WDFY3: variants seen among roughly 807,000 people sequenced by gnomAD.
The protein encoded by WDFY3 is WD repeat and FYVE domain-containing protein 3.
Under a neutral mutation model 409.6 loss-of-function variants are expected in WDFY3, and 66 were observed. The ratio of observed to expected loss-of-function variants is 0.16; its 90% CI spans 0.13 to 0.20. The LOEUF is 0.20. Ranked by LOEUF, WDFY3 falls within the 10% of genes least tolerant of loss-of-function variation. The pLI, the probability that WDFY3 is intolerant of heterozygous loss-of-function variation, is 1.00. For synonymous variants in WDFY3, 1,521 were observed against 1,537.1 expected (o/e 0.99, Z 0.25); for missense variants, 3,031 against 4,298.1 (o/e 0.71, Z 8.24).
chr4:84,723,593 G>C (rs1227417102), intron 46 of WDFY3, among the ~76,000 whole-genome samples: 1 of 152,112 alleles, frequency 6.6e-6, no homozygotes, highest in Non-Finnish European at 1.5e-5. Context: ...TCCTCATTCT[G>C]TGCTAGTCAT....
At position 84,738,912 on chromosome 4, in the gene WDFY3, C is replaced by T. The variant is rs1461691470; in HGVS notation, c.6574+98G>A. ...GTTGCCCTACTGGGAGAGTTGCTAT[C>T]AATGCTGGCAGTTTCTGAAGCCAAT... On this transcript the variant is annotated intron_variant, in intron 40 of 67. Transcript: ENST00000295888. 3 of 1,231,804 alleles carry T rather than the reference C, an allele frequency of 2.4e-6. No homozygotes were observed. The East Asian group carries it at 7.1e-5, about 29-fold the overall frequency. 76.3% of individuals were successfully genotyped at this position (1,231,804 alleles called of 1,614,324 possible).
In WDFY3 at chr4:84,737,190, G is replaced by A. The variant is rs1392942655; in HGVS notation, c.6751C>T (p.His2251Tyr). 18 of 1,613,958 alleles carry A rather than the reference G, an allele frequency of 1.1e-5. No homozygotes were observed. The highest frequency in any genetic ancestry group is 1.4e-5 in the Non-Finnish European group (17 of 1,180,000). Residue 2251 changes from histidine (H) to tyrosine (Y), a missense_variant, in exon 41 of 68, where the codon CAT becomes TAT. By Grantham distance (83) the His-to-Tyr change is moderately conservative. Transcript: ENST00000295888. The part of the protein sequence containing the change: ...EEAALKCWQN[H>Y]LAHEKKCISR... ...TGATCTCTGTAGGCCTTACCCAAAT[G>A]ATTCTGCCAGCACTTCAGGGCAGCT... is the stretch of plus-strand genomic sequence containing the variant.
intron 32 of WDFY3, among the ~76,000 whole-genome samples, chr4:84,765,188 C>T (rs1373430653): frequency 6.6e-6 from 1 of 152,064 alleles, no homozygotes; most frequent in African/African-American, 2.4e-5. Context: ...AGTAATATTA[C>T]TAATATGAAT....
intron 2 of WDFY3, among the ~76,000 whole-genome samples, chr4:84,903,211 T>C (rs1766573287): frequency 6.6e-6 from 1 of 152,174 alleles, no homozygotes; most frequent in Admixed American, 6.5e-5. Flanking sequence ...TCAAACACAT[T>C]ATCACATATT....
intron 6 of WDFY3, among the ~76,000 whole-genome samples, chr4:84,837,680 G>A (rs1756780889): frequency 6.6e-6 from 1 of 152,100 alleles, no homozygotes; most frequent in African/African-American, 2.4e-5. Context: ...AGAAACTCTA[G>A]ACCTTCTTAC....
At chr4:84,960,206 T>C (rs138934022) in intron 1 of WDFY3, among the ~76,000 whole-genome samples, 79 of 152,316 alleles carry the variant, frequency 5.2e-4, no homozygotes, top group East Asian at 2.5e-3. Flanking sequence ...TTCTCTCATC[T>C]CTGGATAACT....
At chr4:84,755,766 T>C (rs1741330653) in intron 33 of WDFY3, among the ~76,000 whole-genome samples, 1 of 152,118 alleles carries the variant, frequency 6.6e-6, no homozygotes, top group Admixed American at 6.5e-5. Flanking sequence ...TTAAGCTCAC[T>C]TCTTTCCCAT....
intron 38 of WDFY3, 42 bp from the exon 39 acceptor site, chr4:84,740,458 G>A: frequency 1.3e-6 from 2 of 1,587,170 alleles, no homozygotes; most frequent in South Asian, 1.1e-5. Flanking sequence ...ATAGACAAAA[G>A]TAAAACACCT....
chr4:84,900,654 G>T lies in WDFY3; in HGVS notation c.-131-3644C>A, dbSNP rs144310072. Reference sequence around the variant, plus strand: ...GAAAAAAACTATTTTGATGAAGACAGATTGGTGGTTGCCAGGGGTTAGAGG... The same window carrying T: ...GAAAAAAACTATTTTGATGAAGACATATTGGTGGTTGCCAGGGGTTAGAGG... On this transcript the variant is annotated intron_variant, in intron 2 of 67. Transcript: ENST00000295888. Among the ~76,000 whole-genome samples, 11 of 152,308 alleles carry T rather than the reference G, an allele frequency of 7.2e-5. No homozygotes were observed. The East Asian group carries it at 2.1e-3, about 29-fold the overall frequency.
intron 53 of WDFY3, among the ~76,000 whole-genome samples, chr4:84,706,414 T>A (rs1731946242): frequency 6.6e-6 from 1 of 152,096 alleles, no homozygotes; most frequent in African/African-American, 2.4e-5. Flanking sequence ...AAGTACCAGG[T>A]GTCATCCTAT....
In WDFY3 at chr4:84,691,497, T is replaced by G. The variant is rs143824737; in HGVS notation, c.9204+134A>C. ...CTCTCCTTTCCCCAAATAGGAAAGC[T>G]CACTTTTCTTTTGGGCTTTGGAGGA... On this transcript the variant is annotated intron_variant, in intron 60 of 67. Transcript: ENST00000295888. 1.9e-4 allele frequency: 172 copies of G among 927,730 alleles called. No homozygotes were observed. In the African/African-American group the frequency reaches 2.6e-3, roughly 14 times the overall value. 57.5% of individuals were successfully genotyped at this position (927,730 alleles called of 1,614,324 possible).
intron 56 of WDFY3, among the ~76,000 whole-genome samples, chr4:84,701,993 T>C (rs1265850390): frequency 6.6e-6 from 1 of 152,192 alleles, no homozygotes; most frequent in Non-Finnish European, 1.5e-5. Flanking sequence ...ATTCTAAATG[T>C]TGGGAGTAAT....
intron 30 of WDFY3, among the ~76,000 whole-genome samples, chr4:84,772,113 A>G (rs1744778676): frequency 6.6e-6 from 1 of 152,200 alleles, no homozygotes; most frequent in Non-Finnish European, 1.5e-5. Flanking sequence ...AATAATCTAT[A>G]TGATATGATT....
At chr4:84,816,857 T>C (rs1753374424) in intron 13 of WDFY3, among the ~76,000 whole-genome samples, 1 of 152,062 alleles carries the variant, frequency 6.6e-6, no homozygotes, top group Admixed American at 6.6e-5. Flanking sequence ...GTGAACAAAA[T>C]CCATGTTATA....
At chr4:84,923,615 G>A (rs576199617) in intron 2 of WDFY3, among the ~76,000 whole-genome samples, 3 of 152,262 alleles carry the variant, frequency 2.0e-5, no homozygotes, top group Admixed American at 6.5e-5. Flanking sequence ...TCCTACAGGG[G>A]AAGAGATTCT....
chr4:84,876,992 A>G (rs545072007), intron 3 of WDFY3, among the ~76,000 whole-genome samples: 36 of 152,352 alleles, frequency 2.4e-4, no homozygotes, highest in African/African-American at 7.9e-4. Flanking sequence ...GCATCAAACT[A>G]TAAATTCCTT....
At chr4:84,803,212 C>A in intron 16 of WDFY3, 78 bp downstream of exon 16, 1 of 1,426,346 alleles carries the variant, frequency 7.0e-7, no homozygotes, top group Non-Finnish European at 9.3e-7. Context: ...TCCTCAACCC[C>A]CTAGCTCATA....
chr4:84,858,350 C>T (rs1187592343), intron 4 of WDFY3, among the ~76,000 whole-genome samples: 1 of 151,954 alleles, frequency 6.6e-6, no homozygotes, highest in East Asian at 1.9e-4. Context: ...CACCACAAAT[C>T]AAAGACAAGA....
chr4:84,808,005 A>G (rs547676626), intron 15 of WDFY3, among the ~76,000 whole-genome samples: 80 of 152,278 alleles, frequency 5.3e-4, no homozygotes, highest in African/African-American at 1.9e-3. Flanking sequence ...TTCTACTTAG[A>G]GACATTAAGT....
Sources: allele counts gnomAD v4.1 joint callset (sites outside exome capture counted in the v4.1 genomes callset), GRCh38; gene constraint gnomAD v4.1.1; transcripts MANE v1.5; gene names NCBI Gene and HGNC (gene_info 2026-07-23, HGNC 2026-07-21).